VAV3: variants seen among roughly 807,000 people sequenced by gnomAD.
The protein encoded by VAV3 is guanine nucleotide exchange factor VAV3.
Under a neutral mutation model 131.2 loss-of-function variants are expected in VAV3, and 94 were observed. That is an observed-to-expected ratio of 0.72 (90% CI 0.61 to 0.85). VAV3 has a LOEUF of 0.85. Ranked by LOEUF, VAV3 falls within the 40% of genes least tolerant of loss-of-function variation. The pLI, the probability that VAV3 is intolerant of heterozygous loss-of-function variation, is 0.00. For synonymous variants in VAV3, 349 were observed against 342.0 expected, an observed-to-expected ratio of 1.02 and a Z score of -0.22; for missense variants, 939 against 1,002.7, an observed-to-expected ratio of 0.94 and a Z score of 0.86.
intron 2 of VAV3, among the ~76,000 whole-genome samples, chr1:107,787,784 G>T (rs550057491): frequency 3.9e-5 from 6 of 152,184 alleles, no homozygotes; most frequent in African/African-American, 1.4e-4. Context: ...AGGTCATTGA[G>T]CAAATTTTTT....
chr1:107,813,709 A>G (rs182133148), intron 2 of VAV3, among the ~76,000 whole-genome samples: 1 of 152,234 alleles, frequency 6.6e-6, no homozygotes, highest in Admixed American at 6.5e-5. Flanking sequence ...TACTCCTTCT[A>G]TCTAACTGTA....
rs190249467 is a variant in VAV3 at position 107,726,578 on chromosome 1, C to T, written c.1503-21517G>A. 2.0e-3 allele frequency among the ~76,000 whole-genome samples: 299 copies of T among 152,306 alleles called. 6 individuals are homozygous for T. The highest frequency in any genetic ancestry group is 3.2e-4 in the Non-Finnish European group (22 of 68,012). The stretch of plus-strand genomic sequence containing the variant: ...TTCTTCACTAAAAGCTAGCAGTTAT[C>T]AAGCTCTCTGGATCACACACTTTCT... On this transcript the variant is annotated intron_variant, in intron 15 of 26. Coordinates refer to ENST00000370056, the MANE Select transcript of VAV3 (RefSeq NM_006113.5).
At chr1:107,840,010 G>C (rs377452810) in intron 2 of VAV3, among the ~76,000 whole-genome samples, 2 of 152,094 alleles carry the variant, frequency 1.3e-5, no homozygotes, top group African/African-American at 4.8e-5. Flanking sequence ...TAAAGAAGTC[G>C]AATTAATAAT....
At chr1:107,649,561 C>CT (rs934798446) in intron 19 of VAV3, among the ~76,000 whole-genome samples, 106 of 151,242 alleles carry the variant, frequency 7.0e-4, no homozygotes, top group African/African-American at 1.8e-3. Flanking sequence ...ATCCCCTTGG[C>CT]TTTTTTTTTG....
chr1:107,683,525 G>A lies in VAV3; in HGVS notation c.1740C>T (p.Thr580=). 1 of 1,613,876 alleles carries A rather than the reference G, an allele frequency of 6.2e-7. No individual in the cohort carries two copies. The highest frequency in any genetic ancestry group is 8.5e-7 in the Non-Finnish European group (1 of 1,179,838). ...GTTTAGGAGTTCTTCGCAGTCCATTGGTCCGTTTCTGTGCAGTAAAGTAAA... is the reference window on the plus strand; with the variant it reads ...GTTTAGGAGTTCTTCGCAGTCCATTAGTCCGTTTCTGTGCAGTAAAGTAAA... ...QGTLKLPEKR[T]NGLRRTPKQV... is the part of the protein sequence containing the mutation. Residue 580 remains threonine (T), a synonymous_variant, in exon 19 of 27, where the codon ACC becomes ACT. Coordinates refer to ENST00000370056, the MANE Select transcript of VAV3 (RefSeq NM_006113.5).
intron 1 of VAV3, among the ~76,000 whole-genome samples, chr1:107,947,347 C>T (rs1000142606): frequency 6.6e-6 from 1 of 152,016 alleles, no homozygotes; most frequent in Non-Finnish European, 1.5e-5. Context: ...ATGACTACAA[C>T]AGAGAAGAAA....
chr1:107,944,300 A>C lies in VAV3; in HGVS notation c.204+20366T>G, dbSNP rs146971491. On this transcript the variant is annotated intron_variant, in intron 1 of 26. Transcript: ENST00000370056. ...CTACTCTGCTTAGCTTGTCATAAAA[A>C]TGAGAATAGACTGTAAAACCACTGC... Among the ~76,000 whole-genome samples, 1,401 of 152,322 alleles carry C rather than the reference A, an allele frequency of 9.2e-3. 12 individuals are homozygous for C. Among genetic ancestry groups the C allele is most frequent in the Non-Finnish European group, 0.014 (980 of 68,036 alleles).
At chr1:107,916,748 G>A (rs1000300681) in intron 1 of VAV3, among the ~76,000 whole-genome samples, 2 of 152,152 alleles carry the variant, frequency 1.3e-5, no homozygotes, top group Non-Finnish European at 2.9e-5. Flanking sequence ...TAGAACAAGT[G>A]TCTAGAATCA....
At chr1:107,655,569 T>A (rs890489096) in intron 19 of VAV3, among the ~76,000 whole-genome samples, 1 of 151,968 alleles carries the variant, frequency 6.6e-6, no homozygotes, top group Non-Finnish European at 1.5e-5. Context: ...TGGGAAAAGG[T>A]TTTTTGTGTA....
chr1:107,831,838 C>G (rs1668261175), intron 2 of VAV3, among the ~76,000 whole-genome samples: 1 of 152,126 alleles, frequency 6.6e-6, no homozygotes, highest in Non-Finnish European at 1.5e-5. Flanking sequence ...TAGTAAAAAC[C>G]AGAATTTTTT....
At chr1:107,741,489 A>C (rs1015811868) in intron 15 of VAV3, among the ~76,000 whole-genome samples, 1 of 152,180 alleles carries the variant, frequency 6.6e-6, no homozygotes, top group Non-Finnish European at 1.5e-5. Context: ...GGTGTCAAAG[A>C]CCAGTGAAAC....
At chr1:107,873,920 T>G (rs1395726281) in intron 2 of VAV3, among the ~76,000 whole-genome samples, 1 of 152,130 alleles carries the variant, frequency 6.6e-6, no homozygotes, top group Non-Finnish European at 1.5e-5. Flanking sequence ...CAGCATCAAA[T>G]TTCCTATATT....
intron 15 of VAV3, among the ~76,000 whole-genome samples, chr1:107,720,356 C>G (rs1229393948): frequency 1.4e-5 from 2 of 147,984 alleles, no homozygotes; most frequent in Non-Finnish European, 3.0e-5. Flanking sequence ...GCACTCCAGC[C>G]TGGGCAACAG....
intron 2 of VAV3, among the ~76,000 whole-genome samples, chr1:107,832,261 T>C (rs901124409): frequency 6.6e-6 from 1 of 152,216 alleles, no homozygotes; most frequent in Non-Finnish European, 1.5e-5. Context: ...AAGATGGTAA[T>C]TAAAGATGTC....
rs1398293157 is a variant in VAV3 at position 107,571,312 on chromosome 1, C to A, written c.*2019G>T. On this transcript the variant is annotated 3_prime_UTR_variant, in exon 27 of 27. Coordinates refer to ENST00000370056, the MANE Select transcript of VAV3 (RefSeq NM_006113.5). Reference sequence around the variant, plus strand: ...TTCTGTCTTTGGTATTAGAACTCTACACAAATCTGCAGCATTTAAATTTTC... The same window carrying A: ...TTCTGTCTTTGGTATTAGAACTCTAAACAAATCTGCAGCATTTAAATTTTC... 6.6e-6 allele frequency: 1 copy of A among 152,602 alleles called. No homozygotes were observed. The highest frequency in any genetic ancestry group is 1.5e-5 in the Non-Finnish European group (1 of 68,036). The allele number at this position is 152,602 out of a possible 1,614,324, so 9.5% of individuals were successfully genotyped here. A position where few individuals can be genotyped will look rare whatever the true frequency, so the allele number is the denominator to read the frequency against.
At chr1:107,745,252 T>A (rs1663267102) in intron 15 of VAV3, among the ~76,000 whole-genome samples, 2 of 152,156 alleles carry the variant, frequency 1.3e-5, no homozygotes, top group African/African-American at 4.8e-5. Flanking sequence ...TCGATCAGCC[T>A]CTTAAAGATT....
intron 2 of VAV3, among the ~76,000 whole-genome samples, chr1:107,842,062 C>T (rs1218180985): frequency 2.0e-5 from 3 of 151,892 alleles, no homozygotes; most frequent in African/African-American, 7.3e-5. Context: ...ATTGCTCATG[C>T]CCCAAATTAC....
rs141896156 is a variant in VAV3, at chr1:107,770,159, C to T, written c.648+477G>A. ...GCTGAACACTTTCCAATCAGAGGGG[C>T]TCTCTCGGGAATGATCTTCATTGGC... On this transcript the variant is annotated intron_variant, in intron 6 of 26. Coordinates refer to ENST00000370056, the MANE Select transcript of VAV3 (RefSeq NM_006113.5). Among the ~76,000 whole-genome samples, 491 of 152,166 alleles carry T rather than the reference C, an allele frequency of 3.2e-3. 2 individuals are homozygous for T. Among genetic ancestry groups the T allele is most frequent in the Middle Eastern group, 6.8e-3 (2 of 294 alleles).
At chr1:107,804,177 G>C (rs1352007793) in intron 2 of VAV3, among the ~76,000 whole-genome samples, 1 of 152,020 alleles carries the variant, frequency 6.6e-6, no homozygotes, top group African/African-American at 2.4e-5. Context: ...GTTAGGTCTT[G>C]TTTCTTTATG....
Sources: allele counts gnomAD v4.1 joint callset (sites outside exome capture counted in the v4.1 genomes callset), GRCh38; gene constraint gnomAD v4.1.1; transcripts MANE v1.5; gene names NCBI Gene and HGNC (gene_info 2026-07-23, HGNC 2026-07-21).